The following GLIPR1L2 variants were observed in gnomAD, a reference collection of about 807,000 sequenced individuals.
The protein encoded by GLIPR1L2 is GLIPR1 like 2, also known as GLIPR1-like protein 2.
Under a neutral mutation model 28.4 loss-of-function variants are expected in GLIPR1L2, and 21 were observed. That is an observed-to-expected ratio of 0.74 (90% confidence interval 0.52 to 1.06). GLIPR1L2 has a LOEUF of 1.06. Among genes scored for constraint, GLIPR1L2 ranks in the 50% least tolerant of loss-of-function variants. The pLI, the probability that GLIPR1L2 is intolerant of heterozygous loss-of-function variation, is 0.00. For synonymous variants in GLIPR1L2, 145 were observed against 139.3 expected (o/e 1.04, Z -0.29); for missense variants, 476 against 416.9 (o/e 1.14, Z -1.23).
rs368969792 is a variant in GLIPR1L2, at chr12:75,423,298, G to A, written c.670+309G>A. ...TTTATGCCCAAACAGCAGCCTGTTT[G>A]ATAATAACTGCTTTAAAGGATAGTA... On this transcript the variant is annotated intron_variant, in intron 4 of 5. Coordinates refer to ENST00000550916, the MANE Select transcript of GLIPR1L2 (RefSeq NM_001270396.2). 2.6e-5 allele frequency: 31 copies of A among 1,174,176 alleles called. No individual in the cohort carries two copies. The African/African-American group carries it at 4.6e-4, about 17-fold the overall frequency. The allele number at this position is 1,174,176 out of a possible 1,614,324, so 72.7% of individuals were successfully genotyped here.
At chr12:75,422,116 G>A (rs913831731) in intron 3 of GLIPR1L2, among the ~76,000 whole-genome samples, 55 of 151,150 alleles carry the variant, frequency 3.6e-4, no homozygotes, top group African/African-American at 1.9e-4. Context: ...TCAGTATCCC[G>A]AGTAGCTGGG....
rs765113603 is a variant in GLIPR1L2, at chr12:75,391,238, A to G, written c.122A>G (p.Asn41Ser). ...CTACTGCTACTGGGTTCTAGTTTGA[A>G]CGCCAGATTTTTGCCAGACGAGGAG... ...LWLLLLGSSL[N>S]ARFLPDEEDV... is the part of the protein sequence containing the mutation. Residue 41 changes from asparagine to serine, a missense_variant, in exon 1 of 6, where the codon AAC becomes AGC. Coordinates refer to ENST00000550916, the MANE Select transcript of GLIPR1L2 (RefSeq NM_001270396.2). 4 of 1,614,040 alleles carry G rather than the reference A, an allele frequency of 2.5e-6. No individual in the cohort carries two copies. The highest frequency in any genetic ancestry group is 3.4e-6 in the Non-Finnish European group (4 of 1,180,024).
Position 75,402,418 on chromosome 12 carries a change from A to G in GLIPR1L2, c.235-8016A>G, listed in dbSNP as rs909460423. 2.6e-5 allele frequency among the ~76,000 whole-genome samples: 4 copies of G among 152,228 alleles called. No individual in the cohort carries two copies. In the East Asian group the frequency reaches 7.7e-4, roughly 29 times the overall value. On this transcript the variant is annotated intron_variant, in intron 1 of 5. Coordinates refer to ENST00000550916, the MANE Select transcript of GLIPR1L2 (RefSeq NM_001270396.2). ...TTCATTTTAGAAATCTAGAATAACA[A>G]ATCTCCAAATGTGATAAACATAACA...
intron 4 of GLIPR1L2, chr12:75,423,217 GA>G: frequency 7.4e-7 from 1 of 1,359,066 alleles, no homozygotes; most frequent in African/African-American, 1.5e-5. Context: ...GGACATACCA[GA>G]GTGTCAGAAA....
At position 75,407,046 on chromosome 12, in the gene GLIPR1L2, T is replaced by C. The variant is rs571712176; in HGVS notation, c.235-3388T>C. ...CCCTCCCCTTGAGCTCTACCTGGCC[T>C]GACCTGACTACACTGGCCTGTCTTC... On this transcript the variant is annotated intron_variant, in intron 1 of 5. Coordinates refer to ENST00000550916, the MANE Select transcript of GLIPR1L2 (RefSeq NM_001270396.2). Among the ~76,000 whole-genome samples the C allele has an allele frequency of 2.0e-5, 3 of 152,210 alleles. No homozygotes were observed. In the East Asian group the frequency reaches 5.8e-4, roughly 29 times the overall value.
intron 1 of GLIPR1L2, among the ~76,000 whole-genome samples, chr12:75,407,008 C>T (rs1296109093): frequency 1.3e-5 from 2 of 152,008 alleles, no homozygotes; most frequent in Admixed American, 1.3e-4. Context: ...ATCATCTGAT[C>T]AAAATCTTCA....
chr12:75,413,130 G>A (rs1462369431), intron 2 of GLIPR1L2, among the ~76,000 whole-genome samples: 2 of 150,896 alleles, frequency 1.3e-5, no homozygotes, highest in Non-Finnish European at 2.9e-5. Context: ...TCACTCATAG[G>A]TGGGAATTGA....
At chr12:75,402,975 C>T (rs1172158898) in intron 1 of GLIPR1L2, 1 of 456,598 alleles carries the variant, frequency 2.2e-6, no homozygotes, top group Non-Finnish European at 4.4e-6. Flanking sequence ...TAAAGTCCTC[C>T]ACTTTGTTAA....
chr12:75,391,094 G>A lies in GLIPR1L2; in HGVS notation c.-23G>A. The A allele has an allele frequency of 2.6e-6, 4 of 1,567,416 alleles. No homozygotes were observed. The highest frequency in any genetic ancestry group is 1.7e-5 in the Admixed American group (1 of 59,268). ...CTGGGACGGCCAGCGCGTGCGCACTGGCCTGTCAGCGGCCGGTGGACCATG... is the reference window on the plus strand; with the variant it reads ...CTGGGACGGCCAGCGCGTGCGCACTAGCCTGTCAGCGGCCGGTGGACCATG... On this transcript the variant is annotated 5_prime_UTR_variant, in exon 1 of 6. Transcript: ENST00000550916.
chr12:75,398,228 C>T (rs2045701787), intron 1 of GLIPR1L2, among the ~76,000 whole-genome samples: 1 of 146,204 alleles, frequency 6.8e-6, no homozygotes, highest in Non-Finnish European at 1.5e-5. Flanking sequence ...ACTCCGAAGG[C>T]TGAGGCAGGA....
intron 3 of GLIPR1L2, among the ~76,000 whole-genome samples, chr12:75,418,074 T>C (rs558719786): frequency 4.0e-4 from 61 of 152,238 alleles, no homozygotes; most frequent in African/African-American, 1.4e-3. Context: ...AAATATAATT[T>C]TGTTGTAAGT....
chr12:75,401,358 G>A (rs2045739744), intron 1 of GLIPR1L2, among the ~76,000 whole-genome samples: 1 of 148,960 alleles, frequency 6.7e-6, no homozygotes, highest in Non-Finnish European at 1.5e-5. Context: ...GAAGACTAAA[G>A]ATAAAAAGAA....
chr12:75,396,945 T>C (rs1316985326), intron 1 of GLIPR1L2, among the ~76,000 whole-genome samples: 1 of 152,210 alleles, frequency 6.6e-6, no homozygotes, highest in East Asian at 1.9e-4. Context: ...TATTTTTATT[T>C]ATTTTGTTCA....
chr12:75,413,855 G>A (rs995757243), intron 3 of GLIPR1L2, among the ~76,000 whole-genome samples, 154 bp downstream of exon 3: 1 of 151,762 alleles, frequency 6.6e-6, no homozygotes, highest in African/African-American at 2.4e-5. Context: ...AATGAAATAA[G>A]TCTTAAATTG....
In GLIPR1L2 at chr12:75,430,976, G is replaced by A; in HGVS notation, c.850G>A (p.Glu284Lys). 1 of 1,535,468 alleles carries A rather than the reference G, an allele frequency of 6.5e-7. No homozygotes were observed. Among genetic ancestry groups the A allele is most frequent in the East Asian group, 2.4e-5 (1 of 40,888 alleles). Reference protein sequence around the residue: ...VQSQFPNILLEQQMIFTPEES... With the variant: ...VQSQFPNILLKQQMIFTPEES... Reference sequence around the variant, plus strand: ...GTCTCAGTTTCCAAATATCTTGTTGGAACAACAAATGATATTTACCCCTGA... The same window carrying A: ...GTCTCAGTTTCCAAATATCTTGTTGAAACAACAAATGATATTTACCCCTGA... The change falls in exon 6 of 6, where the codon GAA becomes AAA. Residue 284 changes from glutamate to lysine, a missense_variant. Glu to Lys is a moderately conservative substitution (Grantham distance 56). Coordinates refer to ENST00000550916, the MANE Select transcript of GLIPR1L2 (RefSeq NM_001270396.2).
In GLIPR1L2 at chr12:75,430,748, A is replaced by G. The variant is rs1441231660; in HGVS notation, c.697+7A>G. On this transcript the variant is annotated splice_region_variant and intron_variant, in intron 5 of 5. Coordinates refer to ENST00000550916, the MANE Select transcript of GLIPR1L2 (RefSeq NM_001270396.2). The stretch of plus-strand genomic sequence containing the variant: ...GATCGTGACCAAGCCACATGTATGT[A>G]TTGTTGTCCTTTATTTCTTGAACAA... 6.5e-7 allele frequency: 1 copy of G among 1,534,754 alleles called. No homozygotes were observed. Among genetic ancestry groups the G allele is most frequent in the Admixed American group, 2.0e-5 (1 of 50,756 alleles).
intron 3 of GLIPR1L2, 101 bp from the exon 4 acceptor site, chr12:75,422,803 G>A (rs532170452): frequency 1.1e-5 from 10 of 913,216 alleles, no homozygotes; most frequent in South Asian, 5.0e-5. Flanking sequence ...TTCTTAACCC[G>A]CCTTTTTAAC....
At chr12:75,406,265 C>G (rs959029842) in intron 1 of GLIPR1L2, among the ~76,000 whole-genome samples, 2 of 151,898 alleles carry the variant, frequency 1.3e-5, no homozygotes, top group Non-Finnish European at 2.9e-5. Flanking sequence ...GTCAACTGTT[C>G]AAAACTTTCG....
intron 1 of GLIPR1L2, among the ~76,000 whole-genome samples, chr12:75,400,290 T>A (rs1276708037): frequency 6.6e-6 from 1 of 151,954 alleles, no homozygotes; most frequent in Non-Finnish European, 1.5e-5. Context: ...GGCTAATTTT[T>A]TTTTGTATTT....
Sources: allele counts gnomAD v4.1 joint callset (sites outside exome capture counted in the v4.1 genomes callset), GRCh38; gene constraint gnomAD v4.1.1; transcripts MANE v1.5; gene names NCBI Gene and HGNC (gene_info 2026-07-23, HGNC 2026-07-21).